CISD3: variants seen among roughly 807,000 people sequenced by gnomAD.
The protein encoded by CISD3 is CDGSH iron-sulfur domain-containing protein 3, mitochondrial.
In CISD3, 11 loss-of-function variants were observed where a neutral mutation model predicts 14.1. The ratio of observed to expected loss-of-function variants is 0.78; its 90% CI spans 0.49 to 1.29. The LOEUF (loss-of-function observed/expected upper bound fraction) is 1.29, where lower values mean the gene tolerates loss of function less well. Among genes scored for constraint, CISD3 ranks in the 50% most tolerant of loss-of-function variants. The probability of loss-of-function intolerance (pLI) is 0.00; values close to 1 mark genes in which losing one functional copy is unlikely to be tolerated. For synonymous variants in CISD3, 53 were observed against 69.2 expected, an observed-to-expected ratio of 0.77 and a Z score of 1.16; for missense variants, 156 against 171.6, an observed-to-expected ratio of 0.91 and a Z score of 0.51.
At chr17:38,730,661 T>C in intron 1 of CISD3, 99 bp from the exon 2 acceptor site, 2 of 1,263,704 alleles carry the variant, frequency 1.6e-6, no homozygotes, top group East Asian at 2.5e-5. Context: ...ACCTCCTCCT[T>C]CCTAGATGGC....
intron 3 of CISD3, 46 bp from the exon 4 acceptor site, chr17:38,733,230 C>G: frequency 6.5e-7 from 1 of 1,546,792 alleles, no homozygotes; most frequent in South Asian, 1.2e-5. Flanking sequence ...CTGCCCTGCC[C>G]CAGCAGGTGG....
chr17:38,735,102 A>C lies in CISD3; in HGVS notation c.*1647A>C. On this transcript the variant is annotated 3_prime_UTR_variant, in exon 4 of 4. Transcript: ENST00000613478. ...ATATATATATATATTTATTTATAAA[A>C]CCCGCCCCCCACCCCCAAGGTGGGA... 1.6e-6 allele frequency: 1 copy of C among 632,924 alleles called. No homozygotes were observed. 39.2% of individuals were successfully genotyped at this position (632,924 alleles called of 1,614,324 possible).
At position 38,734,969 on chromosome 17, in the gene CISD3, C is replaced by A. The variant is rs2143045365; in HGVS notation, c.*1514C>A. 5.9e-6 allele frequency: 2 copies of A among 340,566 alleles called. No individual in the cohort carries two copies. Among genetic ancestry groups the A allele is most frequent in the African/African-American group, 4.2e-5 (2 of 47,572 alleles). 21.1% of individuals were successfully genotyped at this position (340,566 alleles called of 1,614,324 possible). On this transcript the variant is annotated 3_prime_UTR_variant, in exon 4 of 4. Coordinates refer to ENST00000613478, the MANE Select transcript of CISD3 (RefSeq NM_001136498.2). ...AGACCCCCCCCAAAAAAAATGAACA[C>A]CATTTTCCACACATACACACACACA...
intron 3 of CISD3, among the ~76,000 whole-genome samples, chr17:38,732,311 T>A (rs1413847437): frequency 6.6e-6 from 1 of 152,158 alleles, no homozygotes; most frequent in African/African-American, 2.4e-5. Flanking sequence ...TCTCATCTCC[T>A]TTCCATCCCA....
At position 38,733,467 on chromosome 17, in the gene CISD3, C is replaced by T; in HGVS notation, c.*12C>T. ...GCTCCCCACTCTGAGGGGGCTGCTG[C>T]TGTCCAGCCACAGGTGGCCTTGGCT... On this transcript the variant is annotated 3_prime_UTR_variant, in exon 4 of 4. Coordinates refer to ENST00000613478, the MANE Select transcript of CISD3 (RefSeq NM_001136498.2). 6.6e-7 allele frequency: 1 copy of T among 1,512,000 alleles called. No homozygotes were observed. The highest frequency in any genetic ancestry group is 8.9e-7 in the Non-Finnish European group (1 of 1,125,284). The allele number at this position is 1,512,000 out of a possible 1,614,324, so 93.7% of individuals were successfully genotyped here. A position where few individuals can be genotyped will look rare whatever the true frequency, so the allele number is the denominator to read the frequency against.
At position 38,733,746 on chromosome 17, in the gene CISD3, A is replaced by T; in HGVS notation, c.*291A>T. The T allele has an allele frequency of 2.6e-6, 1 of 379,446 alleles. No homozygotes were observed. Among genetic ancestry groups the T allele is most frequent in the Admixed American group, 4.2e-5 (1 of 23,886 alleles). The allele number at this position is 379,446 out of a possible 1,614,324, so 23.5% of individuals were successfully genotyped here. ...GCCCACGTGCTGCCTCCTGCTCCAG[A>T]TTTTAACCTCTCTGTGGGCTGGGGG... On this transcript the variant is annotated 3_prime_UTR_variant, in exon 4 of 4. Transcript: ENST00000613478.
intron 2 of CISD3, 170 bp from the exon 3 acceptor site, chr17:38,731,150 C>T (rs950438424): frequency 1.0e-5 from 9 of 888,968 alleles, no homozygotes; most frequent in African/African-American, 1.7e-5. Context: ...CCAAAGCTCA[C>T]GGTCCTATGG....
At chr17:38,731,115 C>CT in intron 2 of CISD3, 1 of 701,328 alleles carries the variant, frequency 1.4e-6, no homozygotes, top group Non-Finnish European at 2.3e-6. Flanking sequence ...ACCTGAGTGC[C>CT]TGCATGGCTT....
chr17:38,731,094 T>TG (rs1477524947), intron 2 of CISD3: 7 of 668,088 alleles, frequency 1.0e-5, no homozygotes, highest in Non-Finnish European at 1.7e-5. Flanking sequence ...GGAAGGCAGC[T>TG]GGACCCTGAA....
chr17:38,731,828 C>T (rs780284513), intron 3 of CISD3: 21 of 222,914 alleles, frequency 9.4e-5, no homozygotes, highest in East Asian at 1.1e-4. Flanking sequence ...TATTTCCTGG[C>T]GGTCTTCCAT....
rs1342185736 is a variant in CISD3, at chr17:38,733,938, T to C, written c.*483T>C. 1 of 155,900 alleles carries C rather than the reference T, an allele frequency of 6.4e-6. No homozygotes were observed. The highest frequency in any genetic ancestry group is 2.4e-5 in the African/African-American group (1 of 41,508). 9.7% of individuals were successfully genotyped at this position (155,900 alleles called of 1,614,324 possible). ...TTATTACAAAGCCAAGAGATACAGA[T>C]GTCCCAGGGCAAAGGAGGGTACAGT... On this transcript the variant is annotated 3_prime_UTR_variant, in exon 4 of 4. Coordinates refer to ENST00000613478, the MANE Select transcript of CISD3 (RefSeq NM_001136498.2).
Position 38,734,078 on chromosome 17 carries a change from C to T in CISD3, c.*623C>T, listed in dbSNP as rs1407485251. Reference sequence around the variant, plus strand: ...TCGAGTCTCGACTCCCGACTCCTCTCAGATCTATGCACACTTGAGGAAATC... The same window carrying T: ...TCGAGTCTCGACTCCCGACTCCTCTTAGATCTATGCACACTTGAGGAAATC... On this transcript the variant is annotated 3_prime_UTR_variant, in exon 4 of 4. Coordinates refer to ENST00000613478, the MANE Select transcript of CISD3 (RefSeq NM_001136498.2). The T allele has an allele frequency of 6.6e-6, 1 of 152,160 alleles. No individual in the cohort carries two copies. Among genetic ancestry groups the T allele is most frequent in the Non-Finnish European group, 1.5e-5 (1 of 68,092 alleles). 9.4% of individuals were successfully genotyped at this position (152,160 alleles called of 1,614,324 possible).
rs548718233 is a variant in CISD3, at chr17:38,730,440, C to T, written c.48+34C>T. 96 of 1,308,464 alleles carry T rather than the reference C, an allele frequency of 7.3e-5. No individual in the cohort carries two copies. In the African/African-American group the frequency reaches 1.4e-3, roughly 19 times the overall value. The allele number at this position is 1,308,464 out of a possible 1,614,324, so 81.1% of individuals were successfully genotyped here. ...CCCCGCCCTGCACCAGCCCCCGTCCCGAACCCCAGCCGGGCCCCTGCCAGC... is the reference window on the plus strand; with the variant it reads ...CCCCGCCCTGCACCAGCCCCCGTCCTGAACCCCAGCCGGGCCCCTGCCAGC... On this transcript the variant is annotated intron_variant, in intron 1 of 3. Transcript: ENST00000613478.
At position 38,735,328 on chromosome 17, in the gene CISD3, G is replaced by A. The variant is rs1158127094; in HGVS notation, c.*1873G>A. ...TCAAGCTACCCCCGTTGGCAGCTGTGGTGGCCCCACTGGCTGTCGAAGGGG... is the reference window on the plus strand; with the variant it reads ...TCAAGCTACCCCCGTTGGCAGCTGTAGTGGCCCCACTGGCTGTCGAAGGGG... On this transcript the variant is annotated 3_prime_UTR_variant, in exon 4 of 4. Transcript: ENST00000613478. 3.2e-6 allele frequency: 5 copies of A among 1,548,632 alleles called. No individual in the cohort carries two copies. Among genetic ancestry groups the A allele is most frequent in the Non-Finnish European group, 2.6e-6 (3 of 1,142,434 alleles).
intron 3 of CISD3, among the ~76,000 whole-genome samples, chr17:38,732,450 A>G (rs1906374335): frequency 6.6e-6 from 1 of 152,054 alleles, no homozygotes; most frequent in South Asian, 2.1e-4. Flanking sequence ...CTGGGCAACA[A>G]AGTTGAGACC....
chr17:38,730,442 A>C, intron 1 of CISD3, 36 bp downstream of exon 1: 3 of 1,287,770 alleles, frequency 2.3e-6, no homozygotes, highest in African/African-American at 1.6e-5. Flanking sequence ...CCCCGTCCCG[A>C]ACCCCAGCCG....
chr17:38,733,404 C>T lies in CISD3; in HGVS notation c.333C>T (p.Gly111=), dbSNP rs1906435416. The T allele has an allele frequency of 3.2e-6, 5 of 1,551,374 alleles. No individual in the cohort carries two copies. Among genetic ancestry groups the T allele is most frequent in the Non-Finnish European group, 4.4e-6 (5 of 1,146,896 alleles). ...CTCAGAGGCCCCCGTACTGCGATGG[C>T]ACCCACAGGAGTGAGCGCGTGCAGA... ...KATQRPPYCD[G]THRSERVQKA... is the part of the protein sequence containing the mutation. The change falls in exon 4 of 4, where the codon GGC becomes GGT. Residue 111 remains glycine, a synonymous_variant. Coordinates refer to ENST00000613478, the MANE Select transcript of CISD3 (RefSeq NM_001136498.2).
chr17:38,730,821 C>G (rs762496272), intron 2 of CISD3, 26 bp downstream of exon 2: 1 of 1,550,268 alleles, frequency 6.5e-7, no homozygotes, highest in South Asian at 1.2e-5. Flanking sequence ...CTCCCCTCCT[C>G]CTCGCACAAG....
In CISD3 at chr17:38,730,370, G is replaced by A; in HGVS notation, c.12G>A (p.Ala4=). The change falls in exon 1 of 4, where the codon GCG becomes GCA. Residue 4 remains alanine (A), a synonymous_variant. Transcript: ENST00000613478. ...CGCGGGAGGCGACCATGCGCGGCGC[G>A]GGGGCGATCCTGCGGCCGGCGGCGC... is the stretch of plus-strand genomic sequence containing the variant. MRG[A]GAILRPAARG... is the part of the protein sequence containing the mutation. 8.4e-7 allele frequency: 1 copy of A among 1,184,672 alleles called. No homozygotes were observed. The highest frequency in any genetic ancestry group is 1.0e-6 in the Non-Finnish European group (1 of 957,948). 73.4% of individuals were successfully genotyped at this position (1,184,672 alleles called of 1,614,324 possible). A position where few individuals can be genotyped will look rare whatever the true frequency, so the allele number is the denominator to read the frequency against.
Sources: gnomAD v4.1 joint callset for allele counts (sites outside exome capture counted in the v4.1 genomes callset) on GRCh38, gnomAD v4.1.1 for gene constraint, MANE v1.5 for transcripts, NCBI Gene and HGNC (gene_info 2026-07-23, HGNC 2026-07-21) for gene names.